TTC6: variants seen among roughly 807,000 people sequenced by gnomAD.
TTC6 encodes the protein tetratricopeptide repeat domain 6.
In TTC6, 172 loss-of-function variants were observed where a neutral mutation model predicts 210.4. The observed-to-expected ratio is 0.82, with a 90% CI of 0.72 to 0.93. The LOEUF (loss-of-function observed/expected upper bound fraction) is 0.93. Ranked by LOEUF, TTC6 falls within the 40% of genes least tolerant of loss-of-function variation. The pLI, the probability that TTC6 is intolerant of heterozygous loss-of-function variation, is 0.00. For missense variants in TTC6, 2,414 were observed against 2,318.1 expected, an observed-to-expected ratio of 1.04 and a Z score of -0.85; for synonymous variants, 804 against 819.6, an observed-to-expected ratio of 0.98 and a Z score of 0.32.
At chr14:37,836,789 A>G (rs2096198896) in intron 29 of TTC6, among the ~76,000 whole-genome samples, 1 of 152,112 alleles carries the variant, frequency 6.6e-6, no homozygotes, top group African/African-American at 2.4e-5. Flanking sequence ...TCTTACTATA[A>G]TGGAGGTAAG....
intron 1 of TTC6, among the ~76,000 whole-genome samples, chr14:37,623,442 A>G (rs1423302077): frequency 6.6e-6 from 1 of 152,234 alleles, no homozygotes. Flanking sequence ...GCATGTTACT[A>G]TTTATAAGAA....
chr14:37,616,882 A>C (rs186669447), intron 2 of TTC6, among the ~76,000 whole-genome samples: 1 of 152,140 alleles, frequency 6.6e-6, no homozygotes, highest in Non-Finnish European at 1.5e-5. Context: ...TATTCTTAAA[A>C]AAAATTATTT....
At position 37,622,570 on chromosome 14, in the gene TTC6, G is replaced by A. The variant is rs755324284; in HGVS notation, c.506G>A (p.Ser169Asn). 1.2e-5 allele frequency: 19 copies of A among 1,534,118 alleles called. 1 individual carries two copies. In the South Asian group the frequency reaches 2.3e-4, roughly 18 times the overall value. The stretch of plus-strand genomic sequence containing the variant: ...CGCAGAGCGCGCGGGGTCTTGGAGA[G>A]CTCGCGGCACGCGGCTCCCAGGCGG... Residue 169 changes from serine (S) to asparagine (N), a missense_variant, in exon 1 of 31, where the codon AGC becomes AAC. Physicochemically the swap from Ser to Asn is conservative, Grantham distance 46. Transcript: ENST00000553443.
chr14:37,819,584 G>C (rs1016898502), intron 26 of TTC6, among the ~76,000 whole-genome samples: 3 of 152,058 alleles, frequency 2.0e-5, no homozygotes, highest in East Asian at 3.9e-4. Context: ...TTAATTTTTA[G>C]AACTGAGAAT....
chr14:37,756,496 G>T (rs982493149), intron 14 of TTC6, among the ~76,000 whole-genome samples: 4 of 152,176 alleles, frequency 2.6e-5, no homozygotes, highest in Admixed American at 6.5e-5. Flanking sequence ...GTCATAAATA[G>T]TTCTTATTAT....
Position 37,712,980 on chromosome 14 carries a change from A to G in TTC6, c.1572-1675A>G, listed in dbSNP as rs148658315. Among the ~76,000 whole-genome samples, 548 of 152,306 alleles carry G rather than the reference A, an allele frequency of 3.6e-3. 4 individuals carry two copies. Among genetic ancestry groups the G allele is most frequent in the African/African-American group, 0.013 (527 of 41,566 alleles). ...ATCTCCCAGGGATGATTCACAGAGC[A>G]TGTTTAACTGGCTGCCTAGGGTGCT... On this transcript the variant is annotated intron_variant, in intron 5 of 30. Transcript: ENST00000553443.
intron 3 of TTC6, among the ~76,000 whole-genome samples, chr14:37,694,447 GA>G (rs1004546693): frequency 6.6e-6 from 1 of 152,152 alleles, no homozygotes; most frequent in African/African-American, 2.4e-5. Context: ...GGGATGTGGA[GA>G]AAAGGGAAGC....
chr14:37,749,660 G>C, intron 11 of TTC6, 54 bp from the exon 14 acceptor site: 7 of 1,210,966 alleles, frequency 5.8e-6, no homozygotes, highest in Non-Finnish European at 7.4e-6. Context: ...TATTTGATAG[G>C]ATATCCTCCT....
At chr14:37,731,290 A>C (rs1196277936) in intron 7 of TTC6, among the ~76,000 whole-genome samples, 2 of 152,204 alleles carry the variant, frequency 1.3e-5, no homozygotes, top group Admixed American at 1.3e-4. Context: ...GAAGCTATGT[A>C]ACACATTTGT....
At chr14:37,622,769 G>C in exon 1 of TTC6, 1 of 1,534,828 alleles carries the variant, frequency 6.5e-7, no homozygotes, top group Non-Finnish European at 8.7e-7. Flanking sequence ...GCGAGAGCGG[G>C]GCCCGCGAGG....
intron 7 of TTC6, among the ~76,000 whole-genome samples, chr14:37,725,989 T>C (rs192918350): frequency 8.6e-4 from 131 of 152,324 alleles, no homozygotes; most frequent in Middle Eastern, 3.4e-3. Flanking sequence ...AAATAACCTA[T>C]TATTCTTCTC....
At chr14:37,797,313 T>G (rs2096094994) in intron 20 of TTC6, among the ~76,000 whole-genome samples, 1 of 152,090 alleles carries the variant, frequency 6.6e-6, no homozygotes, top group African/African-American at 2.4e-5. Flanking sequence ...CCTGTTGGTC[T>G]GCATCTTTTA....
intron 14 of TTC6, among the ~76,000 whole-genome samples, chr14:37,775,971 T>G (rs1246905140): frequency 6.6e-6 from 1 of 152,078 alleles, no homozygotes; most frequent in Non-Finnish European, 1.5e-5. Context: ...ATTGGCTTGG[T>G]GGGTTTTTCT....
rs141948105 is a variant in TTC6 at position 37,737,302 on chromosome 14, G to A, written c.1909-358G>A. Among the ~76,000 whole-genome samples the A allele has an allele frequency of 5.4e-3, 825 of 152,170 alleles. 4 individuals carry two copies. The highest frequency in any genetic ancestry group is 8.7e-3 in the Non-Finnish European group (593 of 68,002). On this transcript the variant is annotated intron_variant, in intron 8 of 30. Coordinates refer to ENST00000553443, the Ensembl canonical transcript of TTC6. The stretch of plus-strand genomic sequence containing the variant: ...ACTAATGCAGCCCCAGGGTTAAGGG[G>A]ATTCATGGCTCAGCATATCTGTCAC...
At chr14:37,788,803 T>G (rs1053093309) in intron 15 of TTC6, among the ~76,000 whole-genome samples, 3 of 152,166 alleles carry the variant, frequency 2.0e-5, no homozygotes, top group Non-Finnish European at 4.4e-5. Context: ...GAGGATAAAT[T>G]TAGCACAGAT....
exon 14 of TTC6, chr14:37,753,177 G>A: frequency 6.5e-7 from 1 of 1,535,332 alleles, no homozygotes; most frequent in Non-Finnish European, 8.7e-7. Flanking sequence ...AAACTGGTTT[G>A]CAGCCATAGA....
At chr14:37,679,976 C>G (rs1170586639) in intron 1 of TTC6, among the ~76,000 whole-genome samples, 175 bp from the exon 4 acceptor site, 2 of 152,054 alleles carry the variant, frequency 1.3e-5, no homozygotes, top group Admixed American at 1.3e-4. Context: ...AGGCATGAGC[C>G]ACCACACCCT....
chr14:37,764,421 C>A (rs1361435764), intron 14 of TTC6, among the ~76,000 whole-genome samples: 1 of 152,098 alleles, frequency 6.6e-6, no homozygotes, highest in Non-Finnish European at 1.5e-5. Flanking sequence ...CCCTCCAATT[C>A]TGTTAGTCTT....
intron 6 of TTC6, 81 bp from the exon 9 acceptor site, chr14:37,724,817 A>G (rs2095868466): frequency 1.3e-6 from 1 of 789,148 alleles, no homozygotes; most frequent in Non-Finnish European, 1.8e-6. Context: ...GCAACTAAAA[A>G]TAATTTTGAC....
Sources: allele counts gnomAD v4.1 joint callset (sites outside exome capture counted in the v4.1 genomes callset), GRCh38; gene constraint gnomAD v4.1.1; transcripts MANE v1.5; gene names NCBI Gene and HGNC (gene_info 2026-07-23, HGNC 2026-07-21).